INPP4B: variants seen among roughly 807,000 people sequenced by gnomAD.
INPP4B encodes inositol polyphosphate 4-phosphatase type II.
Under a neutral mutation model 122.5 loss-of-function variants are expected in INPP4B, and 55 were observed. That is an observed-to-expected ratio of 0.45 (90% CI 0.36 to 0.56). The LOEUF (loss-of-function observed/expected upper bound fraction) is 0.56. INPP4B is among the 20% of genes least tolerant of loss of function. The pLI is 0.00. For missense variants in INPP4B, 1,000 were observed against 1,097.7 expected (o/e 0.91, Z 1.26); for synonymous variants, 403 against 388.7 (o/e 1.04, Z -0.43).
chr4:142,192,354 A>AAAAAAAAAG (rs148371542), intron 15 of INPP4B, among the ~76,000 whole-genome samples: 5,090 of 72,858 alleles, frequency 0.07, 1,115 homozygotes, highest in East Asian at 0.15. Context: ...AAAAAAAAAA[A>AAAAAAAAAG]TGGGATTCTT....
intron 12 of INPP4B, among the ~76,000 whole-genome samples, chr4:142,211,568 T>A (rs1273009960): frequency 1.3e-5 from 2 of 152,150 alleles, no homozygotes; most frequent in Non-Finnish European, 2.9e-5. Context: ...CACAAGGTGG[T>A]ACATGACTGA....
In INPP4B at chr4:142,450,984, C is replaced by A. The variant is rs535121361; in HGVS notation, c.-127+11679G>T. Among the ~76,000 whole-genome samples, 509 of 150,926 alleles carry A rather than the reference C, an allele frequency of 3.4e-3. 2 individuals carry two copies. Among genetic ancestry groups the A allele is most frequent in the African/African-American group, 4.0e-3 (166 of 41,046 alleles). On this transcript the variant is annotated intron_variant, in intron 3 of 25. Transcript: ENST00000262992. ...AATTCTTAAAATTAACTCCCCCCCCCAAAAAAAGTATAACCTATCAATGTA... is the reference window on the plus strand; with the variant it reads ...AATTCTTAAAATTAACTCCCCCCCCAAAAAAAAGTATAACCTATCAATGTA...
chr4:142,261,562 T>C lies in INPP4B; in HGVS notation c.616-998A>G, dbSNP rs1579505339. Among the ~76,000 whole-genome samples, 3 of 152,146 alleles carry C rather than the reference T, an allele frequency of 2.0e-5. No individual in the cohort carries two copies. The East Asian group carries it at 5.8e-4, about 29-fold the overall frequency. On this transcript the variant is annotated intron_variant, in intron 10 of 25. Transcript: ENST00000262992. The stretch of plus-strand genomic sequence containing the variant: ...GAACCAGCCATCCTTCTGTAAGTTT[T>C]GCATGGCTCTGCTCAAGGGGCTCTG...
chr4:142,794,870 C>G (rs924536538), intron 1 of INPP4B, among the ~76,000 whole-genome samples: 1 of 151,840 alleles, frequency 6.6e-6, no homozygotes, highest in Non-Finnish European at 1.5e-5. Context: ...TAAATACATT[C>G]ATACACTGTA....
intron 7 of INPP4B, among the ~76,000 whole-genome samples, chr4:142,352,399 A>G (rs991037217): frequency 6.6e-6 from 1 of 151,940 alleles, no homozygotes; most frequent in African/African-American, 2.4e-5. Flanking sequence ...ACTGAAACAC[A>G]CACACATAGA....
intron 10 of INPP4B, among the ~76,000 whole-genome samples, chr4:142,263,826 A>G (rs1377102185): frequency 1.3e-5 from 2 of 151,522 alleles, no homozygotes; most frequent in African/African-American, 4.8e-5. Context: ...CCAGAAGGAA[A>G]TAAGTGAACC....
intron 12 of INPP4B, among the ~76,000 whole-genome samples, chr4:142,223,691 T>G (rs1850333203): frequency 6.6e-6 from 1 of 152,172 alleles, no homozygotes; most frequent in African/African-American, 2.4e-5. Flanking sequence ...TACTAGGAGT[T>G]GGTAGGGCAA....
chr4:142,233,950 C>T (rs1400846072), intron 12 of INPP4B, among the ~76,000 whole-genome samples: 4 of 152,026 alleles, frequency 2.6e-5, no homozygotes, highest in East Asian at 1.9e-4. Context: ...ACATCAGCTT[C>T]GTCCATAAAA....
chr4:142,732,857 G>C (rs895626553), intron 1 of INPP4B, among the ~76,000 whole-genome samples: 1 of 151,694 alleles, frequency 6.6e-6, no homozygotes, highest in Non-Finnish European at 1.5e-5. Context: ...AAATACAAAG[G>C]GCCAAGATTA....
At chr4:142,832,089 T>G (rs1782213870) in intron 1 of INPP4B, among the ~76,000 whole-genome samples, 1 of 152,168 alleles carries the variant, frequency 6.6e-6, no homozygotes, top group Non-Finnish European at 1.5e-5. Flanking sequence ...AGCTGCCAAT[T>G]TCTACGGATG....
intron 18 of INPP4B, among the ~76,000 whole-genome samples, chr4:142,133,852 G>A (rs1056736452): frequency 1.3e-5 from 2 of 152,158 alleles, no homozygotes; most frequent in African/African-American, 4.8e-5. Flanking sequence ...TGTCTTTTGA[G>A]ACAAGTTCAA....
intron 8 of INPP4B, among the ~76,000 whole-genome samples, chr4:142,306,783 G>A (rs541824316): frequency 6.6e-6 from 1 of 152,298 alleles, no homozygotes; most frequent in African/African-American, 2.4e-5. Flanking sequence ...GCTGAGGCAG[G>A]AGGACTGCTT....
chr4:142,326,103 C>T (rs977078850), intron 7 of INPP4B, among the ~76,000 whole-genome samples: 3 of 152,162 alleles, frequency 2.0e-5, no homozygotes, highest in East Asian at 1.9e-4. Context: ...AGATTCTGTC[C>T]TCCATAGTAC....
chr4:142,217,144 C>CA (rs985108935), intron 12 of INPP4B, among the ~76,000 whole-genome samples: 3 of 150,706 alleles, frequency 2.0e-5, no homozygotes, highest in East Asian at 1.9e-4. Context: ...GTTACTGGGG[C>CA]AAAAAAACAA....
intron 2 of INPP4B, among the ~76,000 whole-genome samples, chr4:142,609,621 G>T (rs2150331777): frequency 6.6e-6 from 1 of 152,244 alleles, no homozygotes; most frequent in Non-Finnish European, 1.5e-5. Context: ...TAAAAATTAT[G>T]ATTCAAAATG....
intron 1 of INPP4B, among the ~76,000 whole-genome samples, chr4:142,802,944 T>C (rs910817140): frequency 2.0e-5 from 3 of 151,406 alleles, no homozygotes; most frequent in Admixed American, 6.6e-5. Context: ...CCGAGGCAGG[T>C]GGATCACCTA....
chr4:142,124,877 A>T, intron 18 of INPP4B, 117 bp from the exon 19 acceptor site: 1 of 748,138 alleles, frequency 1.3e-6, no homozygotes, highest in Non-Finnish European at 2.0e-6. Context: ...ATTCTTAAGG[A>T]TTCACAAAGA....
At chr4:142,045,514 A>G (rs1321991805) in intron 25 of INPP4B, among the ~76,000 whole-genome samples, 1 of 152,066 alleles carries the variant, frequency 6.6e-6, no homozygotes, top group East Asian at 1.9e-4. Flanking sequence ...CCAGATGGCT[A>G]CTTCCTCTTG....
chr4:142,299,063 T>C (rs915760343), intron 9 of INPP4B, among the ~76,000 whole-genome samples: 21 of 152,162 alleles, frequency 1.4e-4, no homozygotes, highest in African/African-American at 4.8e-4. Context: ...ACAGTGAGTC[T>C]TGCTCATATG....
Sources: allele counts gnomAD v4.1 joint callset (sites outside exome capture counted in the v4.1 genomes callset), GRCh38; gene constraint gnomAD v4.1.1; transcripts MANE v1.5; gene names NCBI Gene and HGNC (gene_info 2026-07-23, HGNC 2026-07-21).